ADAMTS16: variants seen among roughly 807,000 people sequenced by gnomAD.
ADAMTS16 encodes the protein A disintegrin and metalloproteinase with thrombospondin motifs 16.
ADAMTS16 carries 94 observed loss-of-function variants against 145.8 expected under a neutral mutation model. The ratio of observed to expected loss-of-function variants is 0.64; its 90% CI spans 0.55 to 0.77. The LOEUF is 0.77. Among genes scored for constraint, ADAMTS16 ranks in the 30% least tolerant of loss-of-function variants. The pLI, the probability that ADAMTS16 is intolerant of heterozygous loss-of-function variation, is 0.00. For missense variants in ADAMTS16, 1,585 were observed against 1,591.5 expected, an observed-to-expected ratio of 1.00 and a Z score of 0.07; for synonymous variants, 659 against 604.3, an observed-to-expected ratio of 1.09 and a Z score of -1.33.
rs1485489134 is a variant in ADAMTS16, at chr5:5,215,884, A to G, written c.1605+6638A>G. 5.5e-3 allele frequency among the ~76,000 whole-genome samples: 359 copies of G among 64,976 alleles called. 7 individuals are homozygous for G. The highest frequency in any genetic ancestry group is 0.019 in the East Asian group (50 of 2,650). 42.6% of individuals were successfully genotyped at this position (64,976 alleles called of 152,430 possible). ...GGTGTGTATGTGTATATATATATAT[A>G]TATATATATATATATATATATATAT... On this transcript the variant is annotated intron_variant, in intron 10 of 22. Transcript: ENST00000274181.
At chr5:5,169,760 G>C (rs931604484) in intron 3 of ADAMTS16, among the ~76,000 whole-genome samples, 9 of 152,182 alleles carry the variant, frequency 5.9e-5, no homozygotes, top group Admixed American at 3.9e-4. Flanking sequence ...TTTCTGCTGA[G>C]AGGGTGCTTA....
At chr5:5,287,268 G>A (rs925668955) in intron 18 of ADAMTS16, among the ~76,000 whole-genome samples, 2 of 152,200 alleles carry the variant, frequency 1.3e-5, no homozygotes, top group East Asian at 1.9e-4. Flanking sequence ...TGTCTGCAGC[G>A]TGTGATGCCT....
intron 3 of ADAMTS16, among the ~76,000 whole-genome samples, chr5:5,174,355 CTCTTGTTGCTTTTA>C (rs576704239): frequency 9.4e-4 from 142 of 151,700 alleles, no homozygotes; most frequent in Middle Eastern, 6.8e-3. Context: ...TTTTTCTTTT[CTCTTGTTGCTTTTA>C]GGATTTTTTT....
At chr5:5,195,763 T>C (rs1560943914) in intron 8 of ADAMTS16, among the ~76,000 whole-genome samples, 1 of 152,210 alleles carries the variant, frequency 6.6e-6, no homozygotes, top group Non-Finnish European at 1.5e-5. Context: ...GGGCACAATT[T>C]GCATTCTGAG....
intron 6 of ADAMTS16, among the ~76,000 whole-genome samples, chr5:5,188,166 T>A (rs1735562149): frequency 6.6e-6 from 1 of 152,264 alleles, no homozygotes; most frequent in South Asian, 2.1e-4. Context: ...GAGCCCTTTC[T>A]GCTTCTTGCT....
rs1417545432 is a variant in ADAMTS16, at chr5:5,303,618, G to A, written c.3038G>A (p.Cys1013Tyr). Reference protein sequence around the residue: ...GKGWRKRAVACKSTNPSARAQ... With the variant: ...GKGWRKRAVAYKSTNPSARAQ... ...GGGTGGAGGAAGCGGGCAGTGGCCT[G>A]TAAGAGCACCAACCCCTCGGCCAGA... Residue 1013 changes from cysteine (C) to tyrosine (Y), a missense_variant, in exon 20 of 23, where the codon TGT becomes TAT. Physicochemically the swap from Cys to Tyr is radical, Grantham distance 194 (BLOSUM62 -2). Around this residue, in one of 3 missense-constraint regions of ADAMTS16, gnomAD observed 834 missense variants for 811.7 expected, o/e 1.03. Coordinates refer to ENST00000274181, the MANE Select transcript of ADAMTS16 (RefSeq NM_139056.4). 3 of 1,614,052 alleles carry A rather than the reference G, an allele frequency of 1.9e-6. No individual in the cohort carries two copies. The highest frequency in any genetic ancestry group is 2.5e-6 in the Non-Finnish European group (3 of 1,180,052).
chr5:5,283,294 AC>A (rs1738990099), intron 18 of ADAMTS16, among the ~76,000 whole-genome samples: 1 of 152,242 alleles, frequency 6.6e-6, no homozygotes, highest in Non-Finnish European at 1.5e-5. Context: ...GATTATGGAA[AC>A]ATTCACTTAT....
intron 9 of ADAMTS16, among the ~76,000 whole-genome samples, 173 bp from the exon 10 acceptor site, chr5:5,208,920 T>A (rs143567472): frequency 1.3e-5 from 2 of 152,338 alleles, no homozygotes; most frequent in East Asian, 3.9e-4. Flanking sequence ...AGTCTCTGTA[T>A]TTAAATATAA....
chr5:5,303,457 G>C lies in ADAMTS16; in HGVS notation c.2979G>C (p.Gly993=), dbSNP rs750418559. Residue 993 remains glycine (G), a synonymous_variant, in exon 19 of 23, where the codon GGG becomes GGC. Coordinates refer to ENST00000274181, the MANE Select transcript of ADAMTS16 (RefSeq NM_139056.4). ...GCTGCCCACCTGCATGGAGCGCCGG[G>C]CCCTGGGCAGAGGTAACCAGGGTGG... ...SQSCPPAWSA[G]PWAECSHTCG... 4.4e-4 allele frequency: 711 copies of C among 1,610,736 alleles called. 1 individual carries two copies. The highest frequency in any genetic ancestry group is 5.4e-4 in the Non-Finnish European group (634 of 1,178,202).
chr5:5,225,787 C>T lies in ADAMTS16; in HGVS notation c.1701+2903C>T, dbSNP rs1000303597. 3.9e-5 allele frequency among the ~76,000 whole-genome samples: 6 copies of T among 152,142 alleles called. No individual in the cohort carries two copies. The East Asian group carries it at 1.2e-3, about 29-fold the overall frequency. On this transcript the variant is annotated intron_variant, in intron 11 of 22. Transcript: ENST00000274181. Reference sequence around the variant, plus strand: ...GAAAACATAGAGTAGAGGAAGCAGGCAAATATGCATTTGCCTGGGGTGAGT... The same window carrying T: ...GAAAACATAGAGTAGAGGAAGCAGGTAAATATGCATTTGCCTGGGGTGAGT...
chr5:5,225,340 G>C (rs988876252), intron 11 of ADAMTS16, among the ~76,000 whole-genome samples: 6 of 152,122 alleles, frequency 3.9e-5, no homozygotes, highest in African/African-American at 1.4e-4. Flanking sequence ...AGTGGCTCAC[G>C]ACTGTAATCT....
rs753520187 is a variant in ADAMTS16, at chr5:5,189,966, C to T, written c.1048-5C>T. 1 of 1,609,680 alleles carries T rather than the reference C, an allele frequency of 6.2e-7. No individual in the cohort carries two copies. Among genetic ancestry groups the T allele is most frequent in the Non-Finnish European group, 8.5e-7 (1 of 1,178,534 alleles). Reference sequence around the variant, plus strand: ...TGGGGTCCTCGGTCCTTGTCTCTTGCACAGCCAGGACTGGTGATAAGTCAC... The same window carrying T: ...TGGGGTCCTCGGTCCTTGTCTCTTGTACAGCCAGGACTGGTGATAAGTCAC... On this transcript the variant is annotated splice_polypyrimidine_tract_variant and splice_region_variant and intron_variant, in intron 6 of 22. Transcript: ENST00000274181.
intron 15 of ADAMTS16, 91 bp downstream of exon 15, chr5:5,239,365 A>G: frequency 6.7e-7 from 1 of 1,484,144 alleles, no homozygotes; most frequent in Non-Finnish European, 9.0e-7. Flanking sequence ...TGAAAACAGC[A>G]GGACTTCCTT....
intron 9 of ADAMTS16, among the ~76,000 whole-genome samples, chr5:5,202,471 A>G (rs1376368473): frequency 2.6e-5 from 4 of 152,186 alleles, no homozygotes; most frequent in Admixed American, 6.5e-5. Flanking sequence ...TTTTCCCTGC[A>G]TGGTATTCTC....
chr5:5,209,207 C>G lies in ADAMTS16; in HGVS notation c.1566C>G (p.Phe522Leu), dbSNP rs188190346. 6.2e-7 allele frequency: 1 copy of G among 1,613,770 alleles called. No homozygotes were observed. Among genetic ancestry groups the G allele is most frequent in the Non-Finnish European group, 8.5e-7 (1 of 1,179,784 alleles). Residue 522 changes from phenylalanine (F) to leucine (L), a missense_variant, in exon 10 of 23, where the codon TTC becomes TTG. By Grantham distance (22) the Phe-to-Leu change is conservative. Transcript: ENST00000274181. ...YDANTQCKWQ[F>L]GEKAKLCMLD... is the part of the protein sequence containing the mutation. ...CAAACACACAGTGCAAGTGGCAGTT[C>G]GGAGAGAAAGCCAAGCTCTGCATGC... is the stretch of plus-strand genomic sequence containing the variant.
chr5:5,292,798 G>A (rs888955905), intron 18 of ADAMTS16, among the ~76,000 whole-genome samples: 2 of 152,044 alleles, frequency 1.3e-5, no homozygotes, highest in Non-Finnish European at 2.9e-5. Context: ...CTATCTTAAC[G>A]TTCACCCCTT....
At chr5:5,267,653 G>A (rs1024210423) in intron 18 of ADAMTS16, among the ~76,000 whole-genome samples, 23 of 152,106 alleles carry the variant, frequency 1.5e-4, no homozygotes, top group Middle Eastern at 3.2e-3. Flanking sequence ...TGTTTCGCTC[G>A]ACGTCCAGCT....
chr5:5,219,800 G>C (rs1736540273), intron 10 of ADAMTS16, among the ~76,000 whole-genome samples: 1 of 152,186 alleles, frequency 6.6e-6, no homozygotes, highest in Admixed American at 6.5e-5. Context: ...GCTGTCACCA[G>C]CATCCTATAT....
At chr5:5,191,902 C>T in intron 8 of ADAMTS16, 112 bp downstream of exon 8, 1 of 735,034 alleles carries the variant, frequency 1.4e-6, no homozygotes, top group East Asian at 2.6e-5. Flanking sequence ...CACATATATC[C>T]AACGAGAATG....
Sources: gnomAD v4.1 joint callset for allele counts (sites outside exome capture counted in the v4.1 genomes callset) on GRCh38, gnomAD v4.1.1 for gene constraint, gnomAD v4.1.1 regional missense constraint, MANE v1.5 for transcripts, NCBI Gene and HGNC (gene_info 2026-07-23, HGNC 2026-07-21) for gene names.